FIRRM: variants seen among roughly 807,000 people sequenced by gnomAD.
FIRRM encodes FIGNL1 interacting regulator of recombination and mitosis, also known as FIGNL1-interacting regulator of recombination and mitosis.
chr1:169,820,369 G>A, the FIRRM span, among the ~76,000 whole-genome samples: 2 of 152,208 alleles, frequency 1.3e-5, no homozygotes, highest in African/African-American at 4.8e-5. Context: ...CCCCTTTTGG[G>A]GAGGATAAAA....
the FIRRM span, among the ~76,000 whole-genome samples, chr1:169,799,874 T>C: frequency 6.6e-6 from 1 of 151,966 alleles, no homozygotes; most frequent in African/African-American, 2.4e-5. Context: ...TTTGTTTTGT[T>C]TTCAAGACAA....
chr1:169,839,164 T>C, the FIRRM span, among the ~76,000 whole-genome samples: 1 of 152,218 alleles, frequency 6.6e-6, no homozygotes, highest in African/African-American at 2.4e-5. Context: ...CCACATTTTC[T>C]TTAATCTGTT....
At chr1:169,847,648 C>A in the FIRRM span, 1 of 1,356,504 alleles carries the variant, frequency 7.4e-7, no homozygotes, top group Non-Finnish European at 1.0e-6. Context: ...GTACAAAATA[C>A]TGGTATTATT....
chr1:169,830,366 C>T, the FIRRM span: 1 of 1,593,150 alleles, frequency 6.3e-7, no homozygotes, highest in Non-Finnish European at 8.6e-7. Flanking sequence ...CTTTTTTGTT[C>T]TTTGGATTGG....
the FIRRM span, among the ~76,000 whole-genome samples, chr1:169,823,726 T>C: frequency 1.3e-5 from 2 of 151,780 alleles, no homozygotes; most frequent in African/African-American, 4.8e-5. Context: ...CAATGGCAAA[T>C]ATAAATATAT....
At chr1:169,808,608 GT>G in the FIRRM span, among the ~76,000 whole-genome samples, 25 of 142,360 alleles carry the variant, frequency 1.8e-4, no homozygotes, top group Middle Eastern at 3.5e-3. Context: ...TATGTCATTT[GT>G]TTTTTTTTTT....
At chr1:169,821,828 CCACA>C in the FIRRM span, 6 of 1,035,902 alleles carry the variant, frequency 5.8e-6, no homozygotes, top group Non-Finnish European at 7.2e-6. Context: ...TATCCCTATT[CCACA>C]GAATAGAAAT....
chr1:169,829,240 C>T, the FIRRM span: 1 of 1,509,128 alleles, frequency 6.6e-7, no homozygotes, highest in African/African-American at 1.4e-5. Flanking sequence ...ATGTTGGGTT[C>T]AATGTTCTCA....
chr1:169,800,025 G>A, the FIRRM span, among the ~76,000 whole-genome samples: 112,815 of 151,988 alleles, frequency 0.74, 42,611 homozygotes, highest in African/African-American at 0.88. Flanking sequence ...TGCTTGGCCT[G>A]TGTTTTTGTT....
At chr1:169,823,535 A>AG in the FIRRM span, 5 of 884,182 alleles carry the variant, frequency 5.7e-6, no homozygotes, top group South Asian at 9.8e-5. Context: ...GCAGTGCTTA[A>AG]GTACCTACCA....
the FIRRM span, among the ~76,000 whole-genome samples, chr1:169,844,048 A>G: frequency 2.1e-3 from 316 of 152,324 alleles, 1 homozygote; most frequent in South Asian, 5.2e-3. Flanking sequence ...CAAACCCCTG[A>G]GGTTAGGAGT....
chr1:169,800,992 A>T, the FIRRM span: 1 of 1,256,918 alleles, frequency 8.0e-7, no homozygotes, highest in Non-Finnish European at 1.1e-6. Flanking sequence ...ATTACCTGAA[A>T]ATACATGTTA....
chr1:169,825,721 A>T, the FIRRM span, among the ~76,000 whole-genome samples: 40,606 of 152,092 alleles, frequency 0.27, 5,930 homozygotes, highest in Middle Eastern at 0.36. Flanking sequence ...AAATGAATGA[A>T]CCAAAGTCAT....
At chr1:169,793,009 A>C in the FIRRM span, 1 of 1,614,158 alleles carries the variant, frequency 6.2e-7, no homozygotes, top group East Asian at 2.2e-5. Context: ...CTACTACATT[A>C]GGTAAGGTTA....
At chr1:169,852,151 A>G in the FIRRM span, 1 of 621,878 alleles carries the variant, frequency 1.6e-6, no homozygotes, top group African/African-American at 1.8e-5. Context: ...TGTTTGAATT[A>G]TTGGTAGTAA....
chr1:169,849,531 T>G, the FIRRM span: 1 of 1,614,048 alleles, frequency 6.2e-7, no homozygotes, highest in Non-Finnish European at 8.5e-7. Context: ...TCCTGTATGT[T>G]TGCCTTACTG....
At chr1:169,798,909 A>G in the FIRRM span, 1 of 1,312,414 alleles carries the variant, frequency 7.6e-7, no homozygotes, top group East Asian at 2.6e-5. Context: ...ATCTTCCTTA[A>G]TTATCCTACT....
the FIRRM span, chr1:169,802,666 G>A: frequency 5.0e-6 from 8 of 1,613,222 alleles, no homozygotes; most frequent in Non-Finnish European, 6.8e-6. Flanking sequence ...AACCAGTCAA[G>A]CCAGAGGACT....
At chr1:169,792,259 G>C in the FIRRM span, among the ~76,000 whole-genome samples, 1 of 152,338 alleles carries the variant, frequency 6.6e-6, no homozygotes, top group Non-Finnish European at 1.5e-5. Flanking sequence ...ACAGACTTGA[G>C]AGAAGAAATG....
Sources: gnomAD v4.1 joint callset for allele counts (sites outside exome capture counted in the v4.1 genomes callset) on GRCh38, gnomAD v4.1.1 for gene constraint, MANE v1.5 for transcripts, NCBI Gene and HGNC (gene_info 2026-07-23, HGNC 2026-07-21) for gene names.